The following SYN3 variants were observed in gnomAD, a reference collection of about 807,000 sequenced individuals.
SYN3 encodes the protein synapsin-3.
A neutral mutation model predicts 65.8 loss-of-function variants in SYN3; 35 were observed. That is an observed-to-expected ratio of 0.53 (90% CI 0.41 to 0.70). SYN3 has a LOEUF of 0.70. Ranked by LOEUF, SYN3 falls within the 30% of genes least tolerant of loss-of-function variation. The probability of loss-of-function intolerance (pLI) is 0.00; values close to 1 mark genes in which losing one functional copy is unlikely to be tolerated. For synonymous variants in SYN3, 270 were observed against 292.9 expected, an observed-to-expected ratio of 0.92 and a Z score of 0.80; for missense variants, 680 against 749.0, an observed-to-expected ratio of 0.91 and a Z score of 1.08.
chr22:32,916,664 T>G (rs758183641), intron 4 of SYN3, among the ~76,000 whole-genome samples: 1 of 152,218 alleles, frequency 6.6e-6, no homozygotes, highest in African/African-American at 2.4e-5. Context: ...TAGAGTCACT[T>G]AGGCGAAGCT....
chr22:32,646,209 C>G (rs2059981759), intron 6 of SYN3, among the ~76,000 whole-genome samples: 1 of 152,094 alleles, frequency 6.6e-6, no homozygotes, highest in Admixed American at 6.5e-5. Context: ...CCTGTGTGGA[C>G]CATCAGCTGA....
chr22:32,684,832 G>A (rs113317460), intron 6 of SYN3, among the ~76,000 whole-genome samples: 12 of 152,264 alleles, frequency 7.9e-5, no homozygotes, highest in East Asian at 3.9e-4. Context: ...CAGTGTGACC[G>A]TCAAAAAGTT....
intron 6 of SYN3, among the ~76,000 whole-genome samples, chr22:32,681,257 C>A (rs2060518695): frequency 6.9e-6 from 1 of 144,286 alleles, no homozygotes; most frequent in Non-Finnish European, 1.5e-5. Context: ...GTTGTTACAA[C>A]TTGGGAGTGG....
chr22:32,567,606 GTGGAGCTGGCA>G, intron 7 of SYN3, among the ~76,000 whole-genome samples: 1 of 152,174 alleles, frequency 6.6e-6, no homozygotes, highest in Admixed American at 6.5e-5. Flanking sequence ...CATTTCACAT[GTGGAGCTGGCA>G]TGGTCTACTG....
At chr22:33,042,354 C>A (rs1211316002) in intron 1 of SYN3, among the ~76,000 whole-genome samples, 1 of 152,216 alleles carries the variant, frequency 6.6e-6, no homozygotes, top group African/African-American at 2.4e-5. Context: ...TACAGCACCT[C>A]TCTCTAAACC....
intron 4 of SYN3, among the ~76,000 whole-genome samples, chr22:32,896,117 G>T (rs1474327079): frequency 6.6e-6 from 1 of 152,144 alleles, no homozygotes; most frequent in Non-Finnish European, 1.5e-5. Flanking sequence ...ATATAAATAT[G>T]ATATTGAAAC....
At chr22:32,645,571 T>C (rs2059972087) in intron 6 of SYN3, among the ~76,000 whole-genome samples, 1 of 152,216 alleles carries the variant, frequency 6.6e-6, no homozygotes, top group African/African-American at 2.4e-5. Flanking sequence ...GTTTAAAGCT[T>C]GTGAGGCTGG....
At chr22:32,780,131 C>G (rs560752811) in intron 6 of SYN3, among the ~76,000 whole-genome samples, 1 of 151,758 alleles carries the variant, frequency 6.6e-6, no homozygotes, top group Non-Finnish European at 1.5e-5. Flanking sequence ...TGACTGAGCC[C>G]GAAGCCTTCT....
intron 6 of SYN3, among the ~76,000 whole-genome samples, chr22:32,622,072 T>G (rs960583028): frequency 6.6e-6 from 1 of 151,994 alleles, no homozygotes; most frequent in African/African-American, 2.4e-5. Flanking sequence ...GTGGGGAATC[T>G]GAACCCCACA....
intron 1 of SYN3, among the ~76,000 whole-genome samples, chr22:33,035,147 C>G (rs1302175570): frequency 1.3e-5 from 2 of 152,058 alleles, no homozygotes; most frequent in East Asian, 3.9e-4. Context: ...TGGGCGGTCA[C>G]CAGCACTGGC....
At chr22:32,596,237 TA>T (rs1306360032) in intron 7 of SYN3, among the ~76,000 whole-genome samples, 1 of 152,142 alleles carries the variant, frequency 6.6e-6, no homozygotes, top group Non-Finnish European at 1.5e-5. Flanking sequence ...CCACAGCCAT[TA>T]AACCTCTTTT....
intron 4 of SYN3, among the ~76,000 whole-genome samples, chr22:32,890,728 G>A (rs2049422554): frequency 6.6e-6 from 1 of 152,044 alleles, no homozygotes; most frequent in African/African-American, 2.4e-5. Context: ...TTCTTCTTTT[G>A]GGCAAGTTGC....
At position 32,931,470 on chromosome 22, in the gene SYN3, T is replaced by C. The variant is rs764737350; in HGVS notation, c.381A>G (p.Ser127=). ...IEIRVEQAEF[S]ELNLAAYVTG... is the part of the protein sequence containing the mutation. Reference sequence around the variant, plus strand: ...TCACATAGGCAGCTAGGTTCAACTCTGAGAATTCAGCCTGAAGAATAAAGC... The same window carrying C: ...TCACATAGGCAGCTAGGTTCAACTCCGAGAATTCAGCCTGAAGAATAAAGC... Residue 127 remains serine, a synonymous_variant, in exon 4 of 14, where the codon TCA becomes TCG. Coordinates refer to ENST00000358763, the MANE Select transcript of SYN3 (RefSeq NM_003490.4). 6.2e-7 allele frequency: 1 copy of C among 1,613,554 alleles called. No individual in the cohort carries two copies. Among genetic ancestry groups the C allele is most frequent in the Admixed American group, 1.7e-5 (1 of 60,024 alleles).
intron 7 of SYN3, among the ~76,000 whole-genome samples, chr22:32,554,663 T>A (rs2858343): frequency 3.9e-5 from 6 of 151,920 alleles, no homozygotes; most frequent in African/African-American, 1.5e-4. Context: ...GACTGTATGG[T>A]CCAACCCTAG....
In SYN3 at chr22:33,046,736, G is replaced by A. The variant is rs374238892; in HGVS notation, c.-163+11556C>T. ...CAGGCATCTGTAATCCCAGCTACTCGGGAAGCTGAGGCAGGAGACTAGCTT... is the reference window on the plus strand; with the variant it reads ...CAGGCATCTGTAATCCCAGCTACTCAGGAAGCTGAGGCAGGAGACTAGCTT... On this transcript the variant is annotated intron_variant, in intron 1 of 13. Transcript: ENST00000358763. Among the ~76,000 whole-genome samples the A allele has an allele frequency of 5.9e-5, 9 of 151,444 alleles. 1 individual carries two copies. In the East Asian group the frequency reaches 7.8e-4, roughly 13 times the overall value.
intron 12 of SYN3, among the ~76,000 whole-genome samples, chr22:32,527,497 G>C (rs1312552981): frequency 6.6e-6 from 1 of 152,038 alleles, no homozygotes; most frequent in Non-Finnish European, 1.5e-5. Flanking sequence ...CTACTCAGGA[G>C]GCTGAGGCAG....
chr22:32,679,830 GT>G (rs1406899233), intron 6 of SYN3, among the ~76,000 whole-genome samples: 1 of 20,942 alleles, frequency 4.8e-5, no homozygotes, highest in East Asian at 9.3e-4. Flanking sequence ...GGTGAGGTTT[GT>G]TTTTTGGCTT....
At chr22:32,744,751 ACAC>A (rs1011526613) in intron 6 of SYN3, among the ~76,000 whole-genome samples, 2 of 152,088 alleles carry the variant, frequency 1.3e-5, no homozygotes, top group African/African-American at 4.8e-5. Flanking sequence ...CTGAGAACTA[ACAC>A]CACCACCACC....
chr22:32,897,994 T>G (rs1015301835), intron 4 of SYN3, among the ~76,000 whole-genome samples: 4 of 151,858 alleles, frequency 2.6e-5, no homozygotes, highest in Non-Finnish European at 5.9e-5. Context: ...TATTGTTTTT[T>G]GTTTGTTTGT....
Sources: allele counts gnomAD v4.1 joint callset (sites outside exome capture counted in the v4.1 genomes callset), GRCh38; gene constraint gnomAD v4.1.1; transcripts MANE v1.5; gene names NCBI Gene and HGNC (gene_info 2026-07-23, HGNC 2026-07-21).